The following KCNMB2 variants were observed in gnomAD, a reference collection of about 807,000 sequenced individuals.
KCNMB2 encodes calcium-activated potassium channel subunit beta-2.
In KCNMB2, 9 loss-of-function variants were observed where a neutral mutation model predicts 24.5. The ratio of observed to expected loss-of-function variants is 0.37; its 90% CI spans 0.22 to 0.64. The LOEUF (loss-of-function observed/expected upper bound fraction) is 0.64. Among genes scored for constraint, KCNMB2 ranks in the 30% least tolerant of loss-of-function variants. KCNMB2 has a pLI of 0.63. For missense variants in KCNMB2, 226 were observed against 284.3 expected (o/e 0.79, Z 1.47); for synonymous variants, 109 against 104.4 (o/e 1.04, Z -0.27).
At chr3:178,712,194 A>G (rs768915679) in intron 1 of KCNMB2, among the ~76,000 whole-genome samples, 35 of 152,232 alleles carry the variant, frequency 2.3e-4, no homozygotes, top group Non-Finnish European at 4.6e-4. Flanking sequence ...CCAACAGAAA[A>G]TAACAAGAGT....
chr3:178,639,282 C>A (rs1028759660), intron 1 of KCNMB2, among the ~76,000 whole-genome samples: 1 of 152,112 alleles, frequency 6.6e-6, no homozygotes, highest in Admixed American at 6.6e-5. Context: ...CAGATGTGAG[C>A]ATTGAGGCAC....
intron 1 of KCNMB2, chr3:178,749,238 T>C (rs775819830): frequency 2.0e-5 from 3 of 152,230 alleles, no homozygotes; most frequent in Non-Finnish European, 4.4e-5. Flanking sequence ...TTAGAATGCC[T>C]GCAGAGAAAA....
chr3:178,774,322 A>C (rs1470347540), intron 1 of KCNMB2, among the ~76,000 whole-genome samples: 1 of 150,866 alleles, frequency 6.6e-6, no homozygotes, highest in Admixed American at 6.6e-5. Flanking sequence ...AGGTGAAAAA[A>C]GAAAGAAAGA....
In KCNMB2 at chr3:178,564,756, A is replaced by C. The variant is rs187877953; in HGVS notation, c.-68+28045A>C. Among the ~76,000 whole-genome samples the C allele has an allele frequency of 3.3e-5, 5 of 152,334 alleles. No homozygotes were observed. The East Asian group carries it at 9.6e-4, about 29-fold the overall frequency. ...AATGTTTTGGAGGGTAATTCATCCA[A>C]ATCTATCAAAAACTTTAAGAAGCAA... On this transcript the variant is annotated intron_variant, in intron 1 of 4. Coordinates refer to ENST00000452583, the MANE Select transcript of KCNMB2 (RefSeq NM_181361.3).
chr3:178,635,034 T>C (rs999803241), intron 1 of KCNMB2, among the ~76,000 whole-genome samples: 3 of 152,060 alleles, frequency 2.0e-5, no homozygotes, highest in Non-Finnish European at 2.9e-5. Flanking sequence ...TGGAAGGGAA[T>C]TGAATTCTGT....
At chr3:178,774,867 G>A (rs983491703) in intron 1 of KCNMB2, among the ~76,000 whole-genome samples, 29 of 152,114 alleles carry the variant, frequency 1.9e-4, no homozygotes, top group Admixed American at 1.7e-3. Context: ...TTTAAATGTT[G>A]TGCATTCCTT....
chr3:178,761,881 C>T (rs1191219946), intron 1 of KCNMB2, among the ~76,000 whole-genome samples: 2 of 152,058 alleles, frequency 1.3e-5, no homozygotes, highest in African/African-American at 4.8e-5. Flanking sequence ...ATTTTAAGAA[C>T]AGAAAGTAGG....
chr3:178,829,913 C>T (rs1026979831), intron 4 of KCNMB2, among the ~76,000 whole-genome samples: 2 of 152,076 alleles, frequency 1.3e-5, no homozygotes, highest in East Asian at 3.9e-4. Context: ...TAAATTATAA[C>T]ATACAGAACT....
intron 1 of KCNMB2, among the ~76,000 whole-genome samples, chr3:178,764,703 C>G (rs1712045133): frequency 6.6e-6 from 1 of 152,140 alleles, no homozygotes; most frequent in Non-Finnish European, 1.5e-5. Flanking sequence ...AGTGCAGATC[C>G]TGTTAAGACT....
intron 1 of KCNMB2, among the ~76,000 whole-genome samples, chr3:178,756,310 C>A (rs1433030131): frequency 6.6e-6 from 1 of 151,332 alleles, no homozygotes; most frequent in Non-Finnish European, 1.5e-5. Context: ...GCAGTCAATT[C>A]TCATTATTTG....
At chr3:178,777,439 C>T (rs1712629289) in intron 1 of KCNMB2, among the ~76,000 whole-genome samples, 1 of 151,980 alleles carries the variant, frequency 6.6e-6, no homozygotes, top group South Asian at 2.1e-4. Flanking sequence ...GTCTCAAAAA[C>T]AAAAAAGTCA....
chr3:178,599,827 A>C lies in KCNMB2; in HGVS notation c.-68+63116A>C, dbSNP rs116790117. Among the ~76,000 whole-genome samples the C allele has an allele frequency of 7.8e-4, 118 of 152,202 alleles. 1 individual carries two copies. The highest frequency in any genetic ancestry group is 2.7e-3 in the African/African-American group (111 of 41,536). ...TTTTCTCTTTCTATGAATTTGACTA[A>C]TCTAGATACCTCATACAAGACATAT... On this transcript the variant is annotated intron_variant, in intron 1 of 4. Transcript: ENST00000452583.
At chr3:178,621,176 A>G (rs1015973147) in intron 1 of KCNMB2, among the ~76,000 whole-genome samples, 2 of 152,306 alleles carry the variant, frequency 1.3e-5, no homozygotes, top group East Asian at 3.9e-4. Flanking sequence ...AAAACAATAG[A>G]GCCTGAATTC....
At chr3:178,616,580 T>C (rs1718714064) in intron 1 of KCNMB2, among the ~76,000 whole-genome samples, 1 of 152,254 alleles carries the variant, frequency 6.6e-6, no homozygotes, top group South Asian at 2.1e-4. Context: ...AACTGTTTTT[T>C]TCTTTTCTGC....
chr3:178,733,831 T>A (rs1270667390), intron 1 of KCNMB2, among the ~76,000 whole-genome samples: 2 of 152,124 alleles, frequency 1.3e-5, no homozygotes, highest in East Asian at 3.8e-4. Flanking sequence ...AACTCTAAAC[T>A]ATGAAAAATT....
chr3:178,843,018 T>C lies in KCNMB2; in HGVS notation c.*81T>C, dbSNP rs1348368032. 3 of 1,196,872 alleles carry C rather than the reference T, an allele frequency of 2.5e-6. No homozygotes were observed. Among genetic ancestry groups the C allele is most frequent in the Non-Finnish European group, 2.4e-6 (2 of 848,032 alleles). The allele number at this position is 1,196,872 out of a possible 1,614,324, so 74.1% of individuals were successfully genotyped here. A position where few individuals can be genotyped will look rare whatever the true frequency, so the allele number is the denominator to read the frequency against. On this transcript the variant is annotated 3_prime_UTR_variant, in exon 5 of 5. Transcript: ENST00000452583. ...TCTTCACCAAAGAACCTTAAGTTTGTAACGTGCAGTCTGTTATGAGTTCCC... is the reference window on the plus strand; with the variant it reads ...TCTTCACCAAAGAACCTTAAGTTTGCAACGTGCAGTCTGTTATGAGTTCCC...
At chr3:178,664,936 C>T (rs1720667241) in intron 1 of KCNMB2, among the ~76,000 whole-genome samples, 1 of 152,064 alleles carries the variant, frequency 6.6e-6, no homozygotes, top group Admixed American at 6.6e-5. Flanking sequence ...TTTAATAAAA[C>T]ATTTTGCCCT....
intron 1 of KCNMB2, among the ~76,000 whole-genome samples, chr3:178,586,300 AAAG>A (rs1717425177): frequency 6.6e-6 from 1 of 152,208 alleles, no homozygotes; most frequent in African/African-American, 2.4e-5. Flanking sequence ...GCCAAATTAA[AAAG>A]AAGTTTTGTG....
chr3:178,725,662 T>A (rs913837483), intron 1 of KCNMB2, among the ~76,000 whole-genome samples: 2 of 152,068 alleles, frequency 1.3e-5, no homozygotes, highest in African/African-American at 4.8e-5. Context: ...CCCCAGAATA[T>A]AATCTATCTT....
Sources: gnomAD v4.1 joint callset for allele counts (sites outside exome capture counted in the v4.1 genomes callset) on GRCh38, gnomAD v4.1.1 for gene constraint, MANE v1.5 for transcripts, NCBI Gene and HGNC (gene_info 2026-07-23, HGNC 2026-07-21) for gene names.